Variants in HSPE1 observed in about 807,000 individuals in gnomAD.
HSPE1 encodes heat shock protein family E (Hsp10) member 1, also known as 10 kDa heat shock protein, mitochondrial.
In HSPE1, 1 loss-of-function variant was observed where a neutral mutation model predicts 13.2. That is an observed-to-expected ratio of 0.08 (90% CI 0.03 to 0.36). The LOEUF (loss-of-function observed/expected upper bound fraction) is 0.36. HSPE1 is among the 10% of genes least tolerant of loss of function. The probability of loss-of-function intolerance (pLI) is 0.99; values close to 1 mark genes in which losing one functional copy is unlikely to be tolerated. For missense variants in HSPE1, 73 were observed against 118.7 expected, an observed-to-expected ratio of 0.62 and a Z score of 1.79; for synonymous variants, 44 against 42.0, an observed-to-expected ratio of 1.05 and a Z score of -0.19.
rs1218949724 is a variant in HSPE1, at chr2:197,503,165, A to T, written c.258+37A>T. The T allele has an allele frequency of 2.5e-6, 4 of 1,576,562 alleles. No individual in the cohort carries two copies. The East Asian group carries it at 9.0e-5, about 35-fold the overall frequency. ...TAATAATTCTAAAAAGAAGTCAGATATTTGCAATTAGTTGTCTTAACTAAT... is the reference window on the plus strand; with the variant it reads ...TAATAATTCTAAAAAGAAGTCAGATTTTTGCAATTAGTTGTCTTAACTAAT... On this transcript the variant is annotated intron_variant, in intron 3 of 3. Coordinates refer to ENST00000233893, the MANE Select transcript of HSPE1 (RefSeq NM_002157.3).
chr2:197,503,171 A>C, intron 3 of HSPE1, 38 bp from the exon 4 acceptor site: 2 of 1,566,538 alleles, frequency 1.3e-6, no homozygotes, highest in East Asian at 2.2e-5. Context: ...AGATATTTGC[A>C]ATTAGTTGTC....
rs2086235326 is a variant in HSPE1 at position 197,500,432 on chromosome 2, G to GAGT, written c.-3_-1dup. On this transcript the variant is annotated 5_prime_UTR_variant, in exon 1 of 4. Transcript: ENST00000233893. ...GCAGAGTACGAGTCTGAGGCGGAGGGAGTAATGGTGAGTCCCGCGTGGCCC... is the reference window on the plus strand; with the variant it reads ...GCAGAGTACGAGTCTGAGGCGGAGGGAGTAGTAATGGTGAGTCCCGCGTGGCCC... The GAGT allele has an allele frequency of 1.5e-5, 24 of 1,600,634 alleles. No homozygotes were observed. The highest frequency in any genetic ancestry group is 2.0e-5 in the Non-Finnish European group (24 of 1,174,194).
chr2:197,502,759 T>C (rs1349776152), intron 2 of HSPE1, among the ~76,000 whole-genome samples: 1 of 152,260 alleles, frequency 6.6e-6, no homozygotes, highest in East Asian at 1.9e-4. Context: ...TAGCTTTAGT[T>C]AACTAAAGTT....
intron 2 of HSPE1, 57 bp from the exon 3 acceptor site, chr2:197,502,982 C>T (rs2086274726): frequency 2.3e-6 from 2 of 882,510 alleles, no homozygotes; most frequent in African/African-American, 1.7e-5. Context: ...TAAAAGTTAA[C>T]TGTTTATGTT....
chr2:197,500,477 C>A (rs1278413283), intron 1 of HSPE1, 38 bp downstream of exon 1: 4 of 1,584,962 alleles, frequency 2.5e-6, no homozygotes, highest in East Asian at 4.6e-5. Flanking sequence ...CAGGCCCGGG[C>A]CTGTCTGAGG....
At chr2:197,501,767 CA>C (rs11371120) in intron 2 of HSPE1, among the ~76,000 whole-genome samples, 1,778 of 128,294 alleles carry the variant, frequency 0.014, 27 homozygotes, top group African/African-American at 0.039. Context: ...GATTCTGTCT[CA>C]AAAAAAAAAA....
chr2:197,501,005 A>G, intron 1 of HSPE1, 69 bp from the exon 2 acceptor site: 1 of 1,567,956 alleles, frequency 6.4e-7, no homozygotes. Context: ...GATGTATAGC[A>G]CGGTGGCGTT....
At chr2:197,501,292 G>C in intron 2 of HSPE1, 54 bp downstream of exon 2, 1 of 1,522,750 alleles carries the variant, frequency 6.6e-7, no homozygotes, top group Non-Finnish European at 8.8e-7. Flanking sequence ...GGAGGGAAAA[G>C]AAGTAATTCT....
chr2:197,503,014 TA>T, intron 2 of HSPE1, 24 bp from the exon 3 acceptor site: 1 of 1,349,924 alleles, frequency 7.4e-7, no homozygotes, highest in Non-Finnish European at 1.0e-6. Flanking sequence ...ATATCTTTGC[TA>T]ATAAACATCC....
chr2:197,500,912 A>C, intron 1 of HSPE1, 162 bp from the exon 2 acceptor site: 2 of 818,072 alleles, frequency 2.4e-6, no homozygotes, highest in Non-Finnish European at 3.8e-6. Flanking sequence ...TTAAACTTGG[A>C]ATATTGGTTA....
chr2:197,500,985 A>G, intron 1 of HSPE1, 89 bp from the exon 2 acceptor site: 1 of 1,477,790 alleles, frequency 6.8e-7, no homozygotes, highest in Non-Finnish European at 9.1e-7. Flanking sequence ...TCAAAGCCAA[A>G]ACGTGTTGAG....
At chr2:197,500,670 G>C (rs1235214454) in intron 1 of HSPE1, 7 of 636,788 alleles carry the variant, frequency 1.1e-5, no homozygotes, top group Admixed American at 5.8e-5. Flanking sequence ...GAACCCGGGC[G>C]CACGCGCAGC....
At position 197,501,082 on chromosome 2, in the gene HSPE1, A is replaced by G. The variant is rs748015639; in HGVS notation, c.12A>G (p.Gln4=). The change falls in exon 2 of 4, where the codon CAA becomes CAG. Residue 4 remains glutamine (Q), a synonymous_variant. Coordinates refer to ENST00000233893, the MANE Select transcript of HSPE1 (RefSeq NM_002157.3). The part of the protein sequence containing the change: MAG[Q]AFRKFLPLFD... Reference sequence around the variant, plus strand: ...CATTTCTCTTCCTACAGGCAGGACAAGCGTTTAGAAAGTTTCTTCCACTCT... The same window carrying G: ...CATTTCTCTTCCTACAGGCAGGACAGGCGTTTAGAAAGTTTCTTCCACTCT... The G allele has an allele frequency of 1.2e-6, 2 of 1,613,060 alleles. No homozygotes were observed. Among genetic ancestry groups the G allele is most frequent in the Non-Finnish European group, 8.5e-7 (1 of 1,179,624 alleles).
chr2:197,500,787 A>C, intron 1 of HSPE1: 1 of 580,066 alleles, frequency 1.7e-6, no homozygotes, highest in African/African-American at 1.9e-5. Flanking sequence ...TTTCTGGAAA[A>C]ACCTGAAGAA....
chr2:197,500,975 T>C, intron 1 of HSPE1, 99 bp from the exon 2 acceptor site: 1 of 1,426,018 alleles, frequency 7.0e-7, no homozygotes, highest in Non-Finnish European at 9.5e-7. Context: ...GTGTTAACTT[T>C]CAAAGCCAAA....
rs1373132572 is a variant in HSPE1 at position 197,501,335 on chromosome 2, T to C, written c.168+97T>C. 25 of 1,353,874 alleles carry C rather than the reference T, an allele frequency of 1.8e-5. 1 individual carries two copies. The South Asian group carries it at 3.6e-4, about 19-fold the overall frequency. The allele number at this position is 1,353,874 out of a possible 1,614,324, so 83.9% of individuals were successfully genotyped here. ...TAAAAGTCGCTTATTAAGTAGAGTT[T>C]ATGTCGTTTTCAAGATCATTAACTG... On this transcript the variant is annotated intron_variant, in intron 2 of 3. Coordinates refer to ENST00000233893, the MANE Select transcript of HSPE1 (RefSeq NM_002157.3).
chr2:197,500,451 G>A lies in HSPE1; in HGVS notation c.3+12G>A. 1 of 1,598,866 alleles carries A rather than the reference G, an allele frequency of 6.3e-7. No individual in the cohort carries two copies. Among genetic ancestry groups the A allele is most frequent in the East Asian group, 2.3e-5 (1 of 44,244 alleles). On this transcript the variant is annotated intron_variant, in intron 1 of 3. Transcript: ENST00000233893. The stretch of plus-strand genomic sequence containing the variant: ...CGGAGGGAGTAATGGTGAGTCCCGC[G>A]TGGCCCCGAGGCCTGCAGGCCCGGG...
chr2:197,500,522 G>A, intron 1 of HSPE1, 83 bp downstream of exon 1: 3 of 1,495,022 alleles, frequency 2.0e-6, no homozygotes, highest in South Asian at 2.4e-5. Context: ...CTTTTGTTGG[G>A]CTGGGCGGGA....
intron 1 of HSPE1, chr2:197,500,680 C>A (rs1476290047): frequency 1.6e-6 from 1 of 621,910 alleles, no homozygotes; most frequent in Admixed American, 2.9e-5. Context: ...GCACGCGCAG[C>A]GTCTCACCTG....
Sources: allele counts gnomAD v4.1 joint callset (sites outside exome capture counted in the v4.1 genomes callset), GRCh38; gene constraint gnomAD v4.1.1; transcripts MANE v1.5; gene names NCBI Gene and HGNC (gene_info 2026-07-23, HGNC 2026-07-21).